Variants in ZBTB20 observed in about 807,000 individuals in gnomAD.
ZBTB20 encodes zinc finger and BTB domain containing 20.
Under a neutral mutation model 56.9 loss-of-function variants are expected in ZBTB20, and 9 were observed. The ratio of observed to expected loss-of-function variants is 0.16; its 90% CI spans 0.10 to 0.28. The LOEUF is 0.28. Among genes scored for constraint, ZBTB20 ranks in the 10% least tolerant of loss-of-function variants. ZBTB20 has a pLI of 1.00. For synonymous variants in ZBTB20, 417 were observed against 420.7 expected (o/e 0.99, Z 0.11); for missense variants, 655 against 1,003.0 (o/e 0.65, Z 4.69).
chr3:114,590,959 A>G (rs1230290477), intron 6 of ZBTB20, among the ~76,000 whole-genome samples: 1 of 152,218 alleles, frequency 6.6e-6, no homozygotes, highest in Non-Finnish European at 1.5e-5. Context: ...ATCAAACCTT[A>G]AGATTTTCTG....
At chr3:115,144,472 G>C (rs1384860096) in intron 1 of ZBTB20, among the ~76,000 whole-genome samples, 1 of 151,958 alleles carries the variant, frequency 6.6e-6, no homozygotes. Flanking sequence ...CTTATTAACA[G>C]GACAACAAGA....
intron 10 of ZBTB20, among the ~76,000 whole-genome samples, chr3:114,365,951 T>C (rs1376920031): frequency 6.6e-6 from 1 of 152,204 alleles, no homozygotes; most frequent in Non-Finnish European, 1.5e-5. Context: ...GGTAAAAAAT[T>C]AGTACCTATA....
chr3:114,614,737 T>G lies in ZBTB20; in HGVS notation c.-295+78791A>C, dbSNP rs558341379. ...TGTCCAATCTCATAGTGGCCACTTT[T>G]TTTGTTTGTTTGTTTGTTTGTTTGT... On this transcript the variant is annotated intron_variant, in intron 6 of 11. Transcript: ENST00000675478. Among the ~76,000 whole-genome samples, 161 of 150,770 alleles carry G rather than the reference T, an allele frequency of 1.1e-3. 1 individual carries two copies. Among genetic ancestry groups the G allele is most frequent in the African/African-American group, 3.7e-3 (153 of 41,186 alleles).
At chr3:115,077,422 C>CA (rs2108527848) in intron 1 of ZBTB20, among the ~76,000 whole-genome samples, 1 of 152,280 alleles carries the variant, frequency 6.6e-6, no homozygotes, top group Non-Finnish European at 1.5e-5. Context: ...TGTGTGGGCA[C>CA]AGAGGCCACC....
At chr3:115,081,901 A>G (rs1576734167) in intron 1 of ZBTB20, among the ~76,000 whole-genome samples, 1 of 152,210 alleles carries the variant, frequency 6.6e-6, no homozygotes, top group South Asian at 2.1e-4. Flanking sequence ...GACTGGCAGG[A>G]ATGTATCTCA....
At chr3:114,380,448 T>C (rs1471766635) in intron 9 of ZBTB20, 44 bp from the exon 10 acceptor site, 2 of 1,465,172 alleles carry the variant, frequency 1.4e-6, no homozygotes, top group South Asian at 1.4e-5. Context: ...GACTGCATAT[T>C]TGGGAAAAGG....
At chr3:114,686,775 A>C (rs954331425) in intron 6 of ZBTB20, among the ~76,000 whole-genome samples, 1 of 152,102 alleles carries the variant, frequency 6.6e-6, no homozygotes, top group Non-Finnish European at 1.5e-5. Flanking sequence ...TTTGATCTAC[A>C]TATCTCTAAC....
At chr3:114,481,184 G>C (rs779549674) in intron 7 of ZBTB20, among the ~76,000 whole-genome samples, 10 of 151,404 alleles carry the variant, frequency 6.6e-5, no homozygotes, top group Non-Finnish European at 8.8e-5. Context: ...CTGTAAGACG[G>C]TTTGAGTGCC....
intron 2 of ZBTB20, among the ~76,000 whole-genome samples, chr3:114,988,665 G>A (rs529711495): frequency 1.3e-5 from 2 of 152,254 alleles, no homozygotes; most frequent in African/African-American, 4.8e-5. Flanking sequence ...AGATCCTTGA[G>A]GAATTGCCAG....
intron 1 of ZBTB20, among the ~76,000 whole-genome samples, chr3:115,130,887 A>G (rs1481674298): frequency 1.3e-5 from 2 of 152,020 alleles, no homozygotes; most frequent in Non-Finnish European, 2.9e-5. Context: ...TCAGCCTCCC[A>G]AGTAGCTGGG....
chr3:114,704,100 A>T (rs1265272407), intron 5 of ZBTB20, among the ~76,000 whole-genome samples: 1 of 152,104 alleles, frequency 6.6e-6, no homozygotes, highest in Admixed American at 6.6e-5. Flanking sequence ...CTTCCTGCTA[A>T]TTTCTCCTCA....
chr3:114,645,346 C>T (rs1050377361), intron 6 of ZBTB20, among the ~76,000 whole-genome samples: 1 of 152,082 alleles, frequency 6.6e-6, no homozygotes. Flanking sequence ...TACCTCAAAC[C>T]TTTATGAATA....
At chr3:115,001,686 C>G (rs1442338763) in intron 2 of ZBTB20, among the ~76,000 whole-genome samples, 2 of 151,076 alleles carry the variant, frequency 1.3e-5, no homozygotes, top group African/African-American at 2.4e-5. Flanking sequence ...TAAAATCTAA[C>G]AAAATATGTA....
intron 3 of ZBTB20, among the ~76,000 whole-genome samples, chr3:114,934,781 G>C (rs2076475528): frequency 6.6e-6 from 1 of 152,000 alleles, no homozygotes; most frequent in South Asian, 2.1e-4. Context: ...AAAACTTGTT[G>C]CCTTGTTATA....
intron 6 of ZBTB20, among the ~76,000 whole-genome samples, chr3:114,583,584 C>T (rs1012210926): frequency 6.6e-6 from 1 of 152,062 alleles, no homozygotes; most frequent in African/African-American, 2.4e-5. Flanking sequence ...GAAACAGATT[C>T]ATTTAAAAAA....
At chr3:114,937,764 C>A (rs138085062) in intron 3 of ZBTB20, among the ~76,000 whole-genome samples, 4 of 152,184 alleles carry the variant, frequency 2.6e-5, no homozygotes, top group African/African-American at 7.2e-5. Flanking sequence ...ATCCTTCAGC[C>A]ACGTTTTGAT....
chr3:114,952,413 G>A (rs754531432), intron 3 of ZBTB20, among the ~76,000 whole-genome samples: 3 of 152,048 alleles, frequency 2.0e-5, no homozygotes, highest in Non-Finnish European at 2.9e-5. Context: ...AGAACTGTGA[G>A]CCAAATAAAT....
chr3:114,844,522 A>T (rs942504368), intron 4 of ZBTB20, among the ~76,000 whole-genome samples: 1 of 125,616 alleles, frequency 8.0e-6, no homozygotes, highest in Non-Finnish European at 1.7e-5. Context: ...CCCTGTCTCA[A>T]AAAAAAAAAA....
chr3:114,719,145 G>A (rs1345807744), intron 5 of ZBTB20, among the ~76,000 whole-genome samples: 1 of 146,924 alleles, frequency 6.8e-6, no homozygotes, highest in Non-Finnish European at 1.5e-5. Context: ...AGGAAAGTGA[G>A]CATTTTGGTA....
Sources: gnomAD v4.1 joint callset for allele counts (sites outside exome capture counted in the v4.1 genomes callset) on GRCh38, gnomAD v4.1.1 for gene constraint, MANE v1.5 for transcripts, NCBI Gene and HGNC (gene_info 2026-07-23, HGNC 2026-07-21) for gene names.